GRB10: variants seen among roughly 807,000 people sequenced by gnomAD.
GRB10 encodes the protein growth factor receptor-bound protein 10.
GRB10 carries 20 observed loss-of-function variants against 80.9 expected under a neutral mutation model. That is an observed-to-expected ratio of 0.25 (90% CI 0.17 to 0.36). The LOEUF (loss-of-function observed/expected upper bound fraction) is 0.36, where lower values mean the gene tolerates loss of function less well. Ranked by LOEUF, GRB10 falls within the 10% of genes least tolerant of loss-of-function variation. GRB10 has a pLI of 1.00. For synonymous variants in GRB10, 291 were observed against 291.5 expected (o/e 1.00, Z 0.02); for missense variants, 548 against 747.7 (o/e 0.73, Z 3.12).
intron 9 of GRB10, among the ~76,000 whole-genome samples, 185 bp downstream of exon 9, chr7:50,618,985 C>T (rs540497205): frequency 6.6e-6 from 1 of 152,334 alleles, no homozygotes; most frequent in South Asian, 2.1e-4. Context: ...GTCCCACGCA[C>T]ATTTAGTGAA....
intron 3 of GRB10, among the ~76,000 whole-genome samples, chr7:50,733,271 C>T (rs954212972): frequency 2.6e-5 from 4 of 152,286 alleles, no homozygotes; most frequent in Non-Finnish European, 2.9e-5. Flanking sequence ...TCGGCCGATA[C>T]CTTTGATCAT....
chr7:50,603,272 C>T (rs1445934856), intron 17 of GRB10, among the ~76,000 whole-genome samples: 1 of 152,168 alleles, frequency 6.6e-6, no homozygotes, highest in Non-Finnish European at 1.5e-5. Flanking sequence ...TGTCCCTGTC[C>T]CTATATCCAC....
At chr7:50,620,716 C>T (rs752483579) in intron 8 of GRB10, among the ~76,000 whole-genome samples, 3 of 152,156 alleles carry the variant, frequency 2.0e-5, no homozygotes, top group Non-Finnish European at 1.5e-5. Context: ...TGAACCAATA[C>T]GTGGCCCTCA....
At chr7:50,624,791 C>T (rs991100140) in intron 8 of GRB10, among the ~76,000 whole-genome samples, 1 of 152,042 alleles carries the variant, frequency 6.6e-6, no homozygotes, top group Non-Finnish European at 1.5e-5. Flanking sequence ...TCTTCAAATC[C>T]CGGCTGTGTG....
chr7:50,670,569 G>A (rs1158569319), intron 6 of GRB10, among the ~76,000 whole-genome samples: 1 of 151,924 alleles, frequency 6.6e-6, no homozygotes, highest in Admixed American at 6.5e-5. Flanking sequence ...TCCTGGGTGC[G>A]TGCTCATCTC....
intron 6 of GRB10, among the ~76,000 whole-genome samples, chr7:50,673,524 T>C (rs1041600883): frequency 1.3e-5 from 2 of 151,902 alleles, no homozygotes; most frequent in Admixed American, 6.6e-5. Flanking sequence ...CTGGCAAAAT[T>C]CAAGTGCTGG....
chr7:50,672,313 C>T (rs76393426), intron 6 of GRB10, among the ~76,000 whole-genome samples: 1,576 of 152,316 alleles, frequency 0.01, 36 homozygotes, highest in African/African-American at 0.035. Flanking sequence ...CGCTGTGCCA[C>T]GGTTTCCTCA....
At chr7:50,676,139 C>T (rs1224652722) in intron 5 of GRB10, among the ~76,000 whole-genome samples, 1 of 152,158 alleles carries the variant, frequency 6.6e-6, no homozygotes, top group Non-Finnish European at 1.5e-5. Context: ...CCACTTAACA[C>T]ACAGGGTCAC....
intron 10 of GRB10, 122 bp from the exon 11 acceptor site, chr7:50,616,469 G>A: frequency 2.2e-6 from 2 of 915,486 alleles, no homozygotes; most frequent in Non-Finnish European, 3.4e-6. Context: ...ATCAAAATGA[G>A]AGTGTTCTCC....
chr7:50,632,996 A>G (rs112718289), intron 7 of GRB10, among the ~76,000 whole-genome samples: 14 of 152,242 alleles, frequency 9.2e-5, no homozygotes, highest in African/African-American at 3.4e-4. Flanking sequence ...ATCCCTGGGA[A>G]TCCCGCCCAT....
chr7:50,604,831 A>G, intron 15 of GRB10: 1 of 294,672 alleles, frequency 3.4e-6, no homozygotes, highest in Non-Finnish European at 6.5e-6. Flanking sequence ...AAGTCTCAGG[A>G]CTTAGAAGCC....
At chr7:50,716,950 C>A (rs2066966765) in intron 4 of GRB10, among the ~76,000 whole-genome samples, 1 of 152,198 alleles carries the variant, frequency 6.6e-6, no homozygotes, top group Admixed American at 6.5e-5. Context: ...GGAAGGAGCT[C>A]AGGTTTGGGG....
intron 2 of GRB10, among the ~76,000 whole-genome samples, chr7:50,762,844 G>C (rs915698338): frequency 5.3e-5 from 8 of 152,242 alleles, no homozygotes; most frequent in African/African-American, 1.7e-4. Context: ...CCGGCGGGGC[G>C]CAGTGGCTCA....
At chr7:50,594,420 A>G (rs2046287970) in intron 18 of GRB10, among the ~76,000 whole-genome samples, 1 of 152,192 alleles carries the variant, frequency 6.6e-6, no homozygotes, top group South Asian at 2.1e-4. Flanking sequence ...AGATCATAAC[A>G]AAGTCCTGGG....
At chr7:50,603,728 T>C (rs2048025108) in intron 17 of GRB10, among the ~76,000 whole-genome samples, 1 of 152,224 alleles carries the variant, frequency 6.6e-6, no homozygotes, top group Non-Finnish European at 1.5e-5. Context: ...ATAAAACAAC[T>C]TGTGTTGTCC....
chr7:50,652,484 G>A (rs898183457), intron 7 of GRB10, among the ~76,000 whole-genome samples: 30 of 152,178 alleles, frequency 2.0e-4, no homozygotes, highest in African/African-American at 5.5e-4. Context: ...AGAGAAGAAC[G>A]CCTTCCAGGG....
At chr7:50,773,938 A>T (rs2153710554) in intron 2 of GRB10, among the ~76,000 whole-genome samples, 1 of 152,326 alleles carries the variant, frequency 6.6e-6, no homozygotes, top group South Asian at 2.1e-4. Flanking sequence ...GCTCACTGCA[A>T]GCTCCGCCTC....
intron 3 of GRB10, among the ~76,000 whole-genome samples, chr7:50,740,386 T>C (rs2071494107): frequency 6.6e-6 from 1 of 152,232 alleles, no homozygotes; most frequent in Non-Finnish European, 1.5e-5. Flanking sequence ...CAGCAGATAG[T>C]AACAGGGACC....
At chr7:50,759,554 A>C (rs1587929005) in intron 2 of GRB10, among the ~76,000 whole-genome samples, 2 of 152,188 alleles carry the variant, frequency 1.3e-5, no homozygotes, top group Non-Finnish European at 2.9e-5. Context: ...ACCTGACATG[A>C]TGTAAATGCT....
Sources: allele counts gnomAD v4.1 joint callset (sites outside exome capture counted in the v4.1 genomes callset), GRCh38; gene constraint gnomAD v4.1.1; transcripts MANE v1.5; gene names NCBI Gene and HGNC (gene_info 2026-07-23, HGNC 2026-07-21).